Variants in GRM5 observed in about 807,000 individuals in gnomAD.
GRM5 encodes the protein glutamate metabotropic receptor 5.
A neutral mutation model predicts 83.1 loss-of-function variants in GRM5; 19 were observed. That is an observed-to-expected ratio of 0.23 (90% CI 0.16 to 0.34). GRM5 has a LOEUF of 0.34. Ranked by LOEUF, GRM5 falls within the 10% of genes least tolerant of loss-of-function variation. The pLI, the probability that GRM5 is intolerant of heterozygous loss-of-function variation, is 1.00. For synonymous variants in GRM5, 675 were observed against 633.6 expected, an observed-to-expected ratio of 1.07 and a Z score of -0.98; for missense variants, 1,160 against 1,588.3, an observed-to-expected ratio of 0.73 and a Z score of 4.58.
At chr11:88,603,832 C>A (rs1219264604) in intron 5 of GRM5, among the ~76,000 whole-genome samples, 1 of 152,148 alleles carries the variant, frequency 6.6e-6, no homozygotes, top group African/African-American at 2.4e-5. Context: ...TTCATGAAAC[C>A]TTTTGGCAGG....
At chr11:88,821,113 C>G (rs12279582) in intron 3 of GRM5, among the ~76,000 whole-genome samples, 2 of 152,006 alleles carry the variant, frequency 1.3e-5, no homozygotes, top group Non-Finnish European at 2.9e-5. Flanking sequence ...CGAAAGGGCT[C>G]TACATCAGTG....
intron 2 of GRM5, among the ~76,000 whole-genome samples, chr11:89,019,639 A>G (rs1306308787): frequency 1.3e-5 from 2 of 152,076 alleles, no homozygotes; most frequent in Admixed American, 1.3e-4. Context: ...CCGGAGGTGG[A>G]GACTGCAATG....
At chr11:88,694,897 TGAA>T (rs1327297290) in intron 3 of GRM5, among the ~76,000 whole-genome samples, 2 of 152,184 alleles carry the variant, frequency 1.3e-5, no homozygotes, top group African/African-American at 2.4e-5. Flanking sequence ...AGATAATTTT[TGAA>T]GAAGATGACT....
At chr11:88,758,064 T>C (rs552354584) in intron 3 of GRM5, among the ~76,000 whole-genome samples, 15 of 151,970 alleles carry the variant, frequency 9.9e-5, no homozygotes, top group African/African-American at 3.6e-4. Flanking sequence ...AATCCTCAAA[T>C]AAAAATAACA....
At chr11:88,615,000 T>C (rs1938430743) in intron 4 of GRM5, among the ~76,000 whole-genome samples, 1 of 152,148 alleles carries the variant, frequency 6.6e-6, no homozygotes, top group Non-Finnish European at 1.5e-5. Context: ...CACAGTTCCA[T>C]GTGTCTGTTC....
intron 2 of GRM5, among the ~76,000 whole-genome samples, chr11:88,962,962 G>T (rs577972299): frequency 2.0e-5 from 3 of 152,152 alleles, no homozygotes; most frequent in African/African-American, 7.2e-5. Context: ...GGCGGCACAC[G>T]CCTGTAGTCC....
At chr11:88,642,098 G>A (rs572164429) in intron 4 of GRM5, among the ~76,000 whole-genome samples, 3 of 152,132 alleles carry the variant, frequency 2.0e-5, no homozygotes, top group East Asian at 1.9e-4. Flanking sequence ...TTCTGAAATC[G>A]AGGTAGAGGC....
At chr11:88,729,909 C>A (rs1272609747) in intron 3 of GRM5, among the ~76,000 whole-genome samples, 3 of 152,122 alleles carry the variant, frequency 2.0e-5, no homozygotes, top group Non-Finnish European at 4.4e-5. Context: ...AAATGTAAGA[C>A]CTAAAATCAT....
intron 3 of GRM5, among the ~76,000 whole-genome samples, chr11:88,724,296 C>A (rs902893743): frequency 1.3e-5 from 2 of 152,122 alleles, no homozygotes; most frequent in Non-Finnish European, 2.9e-5. Context: ...CATATTCTTT[C>A]TTCAGGTCTC....
intron 3 of GRM5, among the ~76,000 whole-genome samples, chr11:88,739,232 G>A (rs921923006): frequency 2.6e-5 from 4 of 152,004 alleles, no homozygotes; most frequent in South Asian, 2.1e-4. Flanking sequence ...TCACTAATGC[G>A]TAATTCTTAT....
rs566859020 is a variant in GRM5 at position 88,701,820 on chromosome 11, T to A, written c.912-48417A>T. Among the ~76,000 whole-genome samples, 11 of 152,244 alleles carry A rather than the reference T, an allele frequency of 7.2e-5. No homozygotes were observed. In the South Asian group the frequency reaches 1.5e-3, roughly 20 times the overall value. ...AGTGAGAATAAAGGAATGTTTAGGT[T>A]AAGACAAGGAAGGCTGTTAACCAAT... On this transcript the variant is annotated intron_variant, in intron 3 of 9. Transcript: ENST00000305447.
At chr11:88,803,422 A>T (rs1302788236) in intron 3 of GRM5, among the ~76,000 whole-genome samples, 116 of 152,294 alleles carry the variant, frequency 7.6e-4, no homozygotes, top group Middle Eastern at 3.4e-3. Context: ...CTTGAGAAAA[A>T]CAAGCAATGG....
At chr11:88,692,527 T>C (rs1444484285) in intron 3 of GRM5, among the ~76,000 whole-genome samples, 1 of 152,192 alleles carries the variant, frequency 6.6e-6, no homozygotes, top group Non-Finnish European at 1.5e-5. Context: ...CTCTGTCACC[T>C]CTAGTGAGTC....
chr11:89,063,122 C>T (rs1942029382), intron 1 of GRM5, among the ~76,000 whole-genome samples: 1 of 152,234 alleles, frequency 6.6e-6, no homozygotes, highest in Non-Finnish European at 1.5e-5. Context: ...TTCCTCTCCA[C>T]CTTTGCTTCT....
At chr11:88,990,557 CA>C (rs1939928233) in intron 2 of GRM5, among the ~76,000 whole-genome samples, 1 of 150,028 alleles carries the variant, frequency 6.7e-6, no homozygotes, top group Non-Finnish European at 1.5e-5. Flanking sequence ...GAGACACAAC[CA>C]AAAAAGAGAA....
At chr11:89,006,364 C>T (rs1232229441) in intron 2 of GRM5, among the ~76,000 whole-genome samples, 2 of 152,198 alleles carry the variant, frequency 1.3e-5, no homozygotes, top group Non-Finnish European at 2.9e-5. Flanking sequence ...CCCACTATTT[C>T]CAAATGAGCT....
intron 2 of GRM5, among the ~76,000 whole-genome samples, chr11:89,034,882 T>A (rs1941349004): frequency 1.3e-5 from 2 of 149,000 alleles, no homozygotes; most frequent in African/African-American, 4.9e-5. Flanking sequence ...GTATTAGGTA[T>A]AAGAGGCTTT....
Position 88,765,324 on chromosome 11 carries a change from C to T in GRM5, c.911+84582G>A, listed in dbSNP as rs577219956. ...TACCAACTGTTTAAGGAAAAACTAA[C>T]ACCAATACTTCTCAAATTTTCCTAA... On this transcript the variant is annotated intron_variant, in intron 3 of 9. Transcript: ENST00000305447. 3.4e-5 allele frequency among the ~76,000 whole-genome samples: 5 copies of T among 146,776 alleles called. No homozygotes were observed. In the South Asian group the frequency reaches 1.1e-3, roughly 32 times the overall value.
chr11:88,833,044 T>C (rs147953513), intron 3 of GRM5, among the ~76,000 whole-genome samples: 1 of 152,026 alleles, frequency 6.6e-6, no homozygotes, highest in Non-Finnish European at 1.5e-5. Flanking sequence ...CTTGAGGACA[T>C]TGGGCTAGGC....
Sources: allele counts gnomAD v4.1 joint callset (sites outside exome capture counted in the v4.1 genomes callset), GRCh38; gene constraint gnomAD v4.1.1; transcripts MANE v1.5; gene names NCBI Gene and HGNC (gene_info 2026-07-23, HGNC 2026-07-21).